The following SND1 variants were observed in gnomAD, a reference collection of about 807,000 sequenced individuals.
SND1 encodes staphylococcal nuclease domain-containing protein 1.
A neutral mutation model predicts 121.7 loss-of-function variants in SND1; 38 were observed. The observed-to-expected ratio is 0.31, with a 90% confidence interval of 0.24 to 0.41. The LOEUF (loss-of-function observed/expected upper bound fraction) is 0.41, where lower values mean the gene tolerates loss of function less well. Among genes scored for constraint, SND1 ranks in the 10% least tolerant of loss-of-function variants. The probability of loss-of-function intolerance (pLI) is 1.00; values close to 1 mark genes in which losing one functional copy is unlikely to be tolerated. For missense variants in SND1, 868 were observed against 1,184.6 expected (o/e 0.73, Z 3.92); for synonymous variants, 401 against 447.4 (o/e 0.90, Z 1.31).
intron 11 of SND1, among the ~76,000 whole-genome samples, chr7:127,840,928 CAATT>C (rs1205001585): frequency 1.3e-5 from 2 of 152,268 alleles, no homozygotes; most frequent in East Asian, 3.9e-4. Flanking sequence ...ATATGGGAAA[CAATT>C]AATTGGCAGG....
At position 127,686,657 on chromosome 7, in the gene SND1, T is replaced by C; in HGVS notation, c.123T>C (p.Gly41=). Residue 41 remains glycine, a synonymous_variant, in exon 2 of 24, where the codon GGT becomes GGC. Transcript: ENST00000354725. ...TCATTGTCCGAGGTCAGCCTCGTGG[T>C]GGGCCTCCTCCTGAGCGGCAGATCA... The part of the protein sequence containing the change: ...CAIIVRGQPR[G]GPPPERQINL... 1 of 1,614,170 alleles carries C rather than the reference T, an allele frequency of 6.2e-7. No homozygotes were observed. The highest frequency in any genetic ancestry group is 1.7e-4 in the Middle Eastern group (1 of 6,058).
chr7:128,045,696 C>T (rs1033105668), intron 16 of SND1, among the ~76,000 whole-genome samples: 2 of 152,120 alleles, frequency 1.3e-5, no homozygotes, highest in African/African-American at 2.4e-5. Flanking sequence ...TAGGACAGCT[C>T]CAGGGGAGGG....
At position 127,698,881 on chromosome 7, in the gene SND1, A is replaced by G. The variant is rs373424374; in HGVS notation, c.356A>G (p.Asn119Ser). The G allele has an allele frequency of 2.5e-6, 4 of 1,613,536 alleles. No homozygotes were observed. In the African/African-American group the frequency reaches 4.0e-5, roughly 16 times the overall value. ...CCCCCCTTTTCCTCCTCAGATACCA[A>G]TGGGGAAAACATTGCAGAATCACTG... The part of the protein sequence containing the change: ...YGMIYLGKDT[N>S]GENIAESLVA... Residue 119 changes from asparagine to serine, a missense_variant, in exon 4 of 24, where the codon AAT (asparagine) becomes AGT (serine). By Grantham distance (46) the Asn-to-Ser change is conservative. Coordinates refer to ENST00000354725, the MANE Select transcript of SND1 (RefSeq NM_014390.4).
intron 12 of SND1, among the ~76,000 whole-genome samples, chr7:127,860,779 T>G (rs1424306168): frequency 1.3e-5 from 2 of 152,220 alleles, no homozygotes; most frequent in Non-Finnish European, 2.9e-5. Flanking sequence ...TATCTCCAAG[T>G]AATAAATATT....
At chr7:128,062,273 T>C (rs1793243498) in intron 16 of SND1, among the ~76,000 whole-genome samples, 1 of 152,248 alleles carries the variant, frequency 6.6e-6, no homozygotes, top group African/African-American at 2.4e-5. Context: ...TCAGGCTTTC[T>C]GCTTGGCACA....
intron 10 of SND1, among the ~76,000 whole-genome samples, chr7:127,762,666 A>G (rs1797325548): frequency 6.6e-6 from 1 of 152,236 alleles, no homozygotes; most frequent in Admixed American, 6.5e-5. Context: ...CTTTGCCCTC[A>G]TCTTTATCTC....
intron 17 of SND1, among the ~76,000 whole-genome samples, chr7:128,076,790 G>C (rs1420413451): frequency 6.6e-6 from 1 of 152,216 alleles, no homozygotes; most frequent in Admixed American, 6.5e-5. Context: ...GCTTTAGGGA[G>C]TGTGATTGTG....
chr7:128,041,712 T>C (rs1644702699), intron 16 of SND1, among the ~76,000 whole-genome samples: 1 of 152,242 alleles, frequency 6.6e-6, no homozygotes, highest in Non-Finnish European at 1.5e-5. Context: ...ACTGAGTTTC[T>C]CTGATACAGC....
chr7:128,032,455 G>T (rs985741326), intron 16 of SND1, among the ~76,000 whole-genome samples: 1 of 151,820 alleles, frequency 6.6e-6, no homozygotes, highest in East Asian at 2.0e-4. Flanking sequence ...GCTATTTTGG[G>T]CCGGTCGGAG....
intron 16 of SND1, among the ~76,000 whole-genome samples, chr7:128,004,305 C>T (rs963924511): frequency 6.6e-6 from 1 of 152,140 alleles, no homozygotes; most frequent in Non-Finnish European, 1.5e-5. Context: ...AAGGTGAATA[C>T]TCAGGTGTGG....
At chr7:128,004,867 G>A (rs1802922407) in intron 16 of SND1, among the ~76,000 whole-genome samples, 1 of 152,202 alleles carries the variant, frequency 6.6e-6, no homozygotes, top group African/African-American at 2.4e-5. Flanking sequence ...CTAACATTTG[G>A]ACCCAGGCCT....
Position 128,085,024 on chromosome 7 carries a change from C to A in SND1, c.2234+177C>A, listed in dbSNP as rs949495494. Among the ~76,000 whole-genome samples the A allele has an allele frequency of 1.3e-5, 2 of 152,196 alleles. No individual in the cohort carries two copies. The highest frequency in any genetic ancestry group is 6.5e-5 in the Admixed American group (1 of 15,292). ...CAGCCCATCTGGGGCCTTGCTCTGG[C>A]CTGTGCACCCCTGCAGTCCAGCCAG... is the stretch of plus-strand genomic sequence containing the variant. On this transcript the variant is annotated intron_variant, in intron 19 of 23. Transcript: ENST00000354725. This position sits in a 1 kb window ranked among gnomAD's most constrained non-coding sequence, Gnocchi z 4.4.
chr7:127,909,587 A>AGTT (rs1427602669), intron 14 of SND1, among the ~76,000 whole-genome samples: 1 of 151,998 alleles, frequency 6.6e-6, no homozygotes, highest in African/African-American at 2.4e-5. Flanking sequence ...CCTCCTGAGT[A>AGTT]ACTGGGTCTA....
intron 15 of SND1, among the ~76,000 whole-genome samples, chr7:127,989,805 G>A (rs1802481128): frequency 6.6e-6 from 1 of 152,158 alleles, no homozygotes; most frequent in Non-Finnish European, 1.5e-5. Context: ...CATAATTATA[G>A]CTACAGTGTG....
At chr7:127,997,746 T>A (rs1484532013) in intron 16 of SND1, 1 of 534,698 alleles carries the variant, frequency 1.9e-6, no homozygotes, top group African/African-American at 1.9e-5. Flanking sequence ...AGAATGGACC[T>A]GTTATACTGG....
intron 16 of SND1, chr7:128,030,194 C>A (rs1282518740): frequency 1.2e-6 from 2 of 1,614,110 alleles, no homozygotes; most frequent in East Asian, 2.2e-5. Flanking sequence ...AGAGCTCCCG[C>A]AGCTTGGACA....
At chr7:128,059,072 C>T (rs1206159423) in intron 16 of SND1, among the ~76,000 whole-genome samples, 1 of 152,220 alleles carries the variant, frequency 6.6e-6, no homozygotes, top group Non-Finnish European at 1.5e-5. Context: ...ATTCTACCCT[C>T]GTTCCTTCTT....
chr7:128,023,327 A>C (rs966047005), intron 16 of SND1, among the ~76,000 whole-genome samples: 1 of 152,150 alleles, frequency 6.6e-6, no homozygotes, highest in Admixed American at 6.5e-5. Context: ...GTAACACTTA[A>C]TGGTCAGGGA....
At chr7:127,953,534 C>A (rs185617539) in intron 15 of SND1, among the ~76,000 whole-genome samples, 7 of 152,072 alleles carry the variant, frequency 4.6e-5, no homozygotes, top group African/African-American at 7.2e-5. Flanking sequence ...TGGACTGGAC[C>A]AGTTAGTCTC....
Sources: allele counts gnomAD v4.1 joint callset (sites outside exome capture counted in the v4.1 genomes callset), GRCh38; gene constraint gnomAD v4.1.1; non-coding constraint Gnocchi (gnomAD v3.1); transcripts MANE v1.5; gene names NCBI Gene and HGNC (gene_info 2026-07-23, HGNC 2026-07-21).